The following BMP5 variants were observed in gnomAD, a reference collection of about 807,000 sequenced individuals.
BMP5 encodes the protein bone morphogenetic protein 5.
BMP5 carries 23 observed loss-of-function variants against 46.6 expected under a neutral mutation model. That is an observed-to-expected ratio of 0.49 (90% CI 0.35 to 0.70). The LOEUF is 0.70. Ranked by LOEUF, BMP5 falls within the 30% of genes least tolerant of loss-of-function variation. The probability of loss-of-function intolerance (pLI) is 0.00; values close to 1 mark genes in which losing one functional copy is unlikely to be tolerated. For synonymous variants in BMP5, 204 were observed against 191.9 expected (o/e 1.06, Z -0.52); for missense variants, 545 against 565.6 (o/e 0.96, Z 0.37).
intron 1 of BMP5, among the ~76,000 whole-genome samples, chr6:55,837,369 A>AGATGGATG (rs1554184997): frequency 6.7e-6 from 1 of 148,972 alleles, no homozygotes; most frequent in African/African-American, 2.6e-5. Context: ...ATAGATAGAT[A>AGATGGATG]GATAGATAGA....
In BMP5 at chr6:55,835,878, C is replaced by T. The variant is rs577225078; in HGVS notation, c.491-16031G>A. 1.5e-3 allele frequency among the ~76,000 whole-genome samples: 229 copies of T among 152,170 alleles called. 1 individual carries two copies. Among genetic ancestry groups the T allele is most frequent in the African/African-American group, 5.3e-3 (222 of 41,528 alleles). ...AACAGTTTTCAATTTAAATGTGAAA[C>T]TAAAGTAAGAGATGAATTTAAAGTT... On this transcript the variant is annotated intron_variant, in intron 1 of 6. Transcript: ENST00000370830.
chr6:55,836,663 C>T (rs1776801874), intron 1 of BMP5, among the ~76,000 whole-genome samples: 1 of 150,560 alleles, frequency 6.6e-6, no homozygotes, highest in South Asian at 2.1e-4. Context: ...CACACACACA[C>T]GTAGGCATTA....
chr6:55,859,027 AGAT>A (rs1777469171), intron 1 of BMP5, among the ~76,000 whole-genome samples: 1 of 152,202 alleles, frequency 6.6e-6, no homozygotes, highest in East Asian at 1.9e-4. Flanking sequence ...CTTAAAACCT[AGAT>A]GATAAGTTGA....
chr6:55,850,819 C>T (rs77850408), intron 1 of BMP5, among the ~76,000 whole-genome samples: 2,575 of 152,276 alleles, frequency 0.017, 68 homozygotes, highest in African/African-American at 0.058. Flanking sequence ...CTTCTTAACT[C>T]ATTAGTTGTG....
intron 1 of BMP5, among the ~76,000 whole-genome samples, chr6:55,832,479 C>T (rs1183392506): frequency 1.3e-5 from 2 of 152,126 alleles, no homozygotes; most frequent in African/African-American, 4.8e-5. Context: ...TTATCTCGTC[C>T]TCTGAAAGAA....
chr6:55,790,659 G>A (rs1487742259), intron 3 of BMP5, among the ~76,000 whole-genome samples: 12 of 152,132 alleles, frequency 7.9e-5, no homozygotes, highest in Admixed American at 7.9e-4. Flanking sequence ...TTGACATAGT[G>A]TGCATTTACT....
chr6:55,860,482 A>C (rs1165354566), intron 1 of BMP5, among the ~76,000 whole-genome samples: 1 of 152,196 alleles, frequency 6.6e-6, no homozygotes, highest in Non-Finnish European at 1.5e-5. Flanking sequence ...TGACTTCCTA[A>C]GCATGTCTCA....
intron 4 of BMP5, among the ~76,000 whole-genome samples, 173 bp downstream of exon 4, chr6:55,773,876 G>T (rs1775104751): frequency 6.6e-6 from 1 of 151,894 alleles, no homozygotes; most frequent in African/African-American, 2.4e-5. Context: ...ATTTTAAAAT[G>T]AATTACTGAG....
chr6:55,819,887 C>T, intron 1 of BMP5, 40 bp from the exon 2 acceptor site: 1 of 1,498,638 alleles, frequency 6.7e-7, no homozygotes, highest in Non-Finnish European at 9.3e-7. Flanking sequence ...AAAAGTTAGT[C>T]TTTTATAAAA....
chr6:55,834,889 T>C (rs1776752583), intron 1 of BMP5, among the ~76,000 whole-genome samples: 1 of 152,130 alleles, frequency 6.6e-6, no homozygotes, highest in Non-Finnish European at 1.5e-5. Flanking sequence ...GAGACCAGCC[T>C]GGCTAACATG....
At chr6:55,772,877 C>T (rs942710955) in intron 4 of BMP5, 2 of 984,894 alleles carry the variant, frequency 2.0e-6, no homozygotes, top group African/African-American at 3.5e-5. Context: ...AGGAAAAGTC[C>T]AATGAATTCC....
Position 55,754,813 on chromosome 6 carries a change from A to G in BMP5, c.*720T>C, listed in dbSNP as rs1328263702. On this transcript the variant is annotated 3_prime_UTR_variant, in exon 7 of 7. Transcript: ENST00000370830. ...AGAAGGTTGTACTACAATTAGTGTT[A>G]ACTTGGAAAGCTATGGACACAGGCT... 1 of 152,018 alleles carries G rather than the reference A, an allele frequency of 6.6e-6. No homozygotes were observed. The highest frequency in any genetic ancestry group is 1.5e-5 in the Non-Finnish European group (1 of 67,954). The allele number at this position is 152,018 out of a possible 1,614,324, so 9.4% of individuals were successfully genotyped here.
At chr6:55,865,914 T>C (rs1336288829) in intron 1 of BMP5, among the ~76,000 whole-genome samples, 1 of 152,174 alleles carries the variant, frequency 6.6e-6, no homozygotes. Context: ...CAAACCAGTC[T>C]GGCTCCAAAA....
intron 2 of BMP5, among the ~76,000 whole-genome samples, chr6:55,813,782 G>A (rs541110389): frequency 3.7e-5 from 4 of 108,552 alleles, no homozygotes; most frequent in South Asian, 2.6e-4. Flanking sequence ...GCGAGACACC[G>A]TCTCAAAAAA....
At chr6:55,852,724 C>A (rs910013013) in intron 1 of BMP5, among the ~76,000 whole-genome samples, 6 of 152,216 alleles carry the variant, frequency 3.9e-5, no homozygotes, top group African/African-American at 1.2e-4. Context: ...AACTTCCAGA[C>A]CTCTGTTAAT....
At chr6:55,850,829 G>A (rs1777224274) in intron 1 of BMP5, among the ~76,000 whole-genome samples, 1 of 152,148 alleles carries the variant, frequency 6.6e-6, no homozygotes, top group South Asian at 2.1e-4. Flanking sequence ...CATTAGTTGT[G>A]TAAATGTGGG....
chr6:55,857,507 T>C (rs867174775), intron 1 of BMP5, among the ~76,000 whole-genome samples: 2 of 152,212 alleles, frequency 1.3e-5, no homozygotes, highest in Non-Finnish European at 2.9e-5. Flanking sequence ...AAGTGGGTTA[T>C]GAATATCCTA....
In BMP5 at chr6:55,755,694, A is replaced by G. The variant is rs758126829; in HGVS notation, c.1216-12T>C. ...AACATCAGATGAACCTGGGAAAGAA[A>G]AAAGGTTTTGTTTTATTAAGAAATA... On this transcript the variant is annotated splice_polypyrimidine_tract_variant and intron_variant, in intron 6 of 6. Transcript: ENST00000370830. The G allele has an allele frequency of 1.9e-6, 3 of 1,610,560 alleles. No homozygotes were observed. Among genetic ancestry groups the G allele is most frequent in the Non-Finnish European group, 8.5e-7 (1 of 1,177,598 alleles).
chr6:55,835,018 G>A (rs572503775), intron 1 of BMP5, among the ~76,000 whole-genome samples: 10 of 152,022 alleles, frequency 6.6e-5, no homozygotes, highest in Admixed American at 1.3e-4. Flanking sequence ...CCCAGGAGGC[G>A]GAGGCTGAAG....
Sources: gnomAD v4.1 joint callset for allele counts (sites outside exome capture counted in the v4.1 genomes callset) on GRCh38, gnomAD v4.1.1 for gene constraint, MANE v1.5 for transcripts, NCBI Gene and HGNC (gene_info 2026-07-23, HGNC 2026-07-21) for gene names.